SCFD1: variants seen among roughly 807,000 people sequenced by gnomAD.
SCFD1 encodes sec1 family domain-containing protein 1.
A neutral mutation model predicts 103.2 loss-of-function variants in SCFD1; 37 were observed. The ratio of observed to expected loss-of-function variants is 0.36; its 90% CI spans 0.28 to 0.47. The LOEUF (loss-of-function observed/expected upper bound fraction) is 0.47, where lower values mean the gene tolerates loss of function less well. Ranked by LOEUF, SCFD1 falls within the 20% of genes least tolerant of loss-of-function variation. The pLI is 1.00. For missense variants in SCFD1, 639 were observed against 761.2 expected, an observed-to-expected ratio of 0.84 and a Z score of 1.89; for synonymous variants, 264 against 245.0, an observed-to-expected ratio of 1.08 and a Z score of -0.73.
chr14:30,700,380 A>G (rs958131060), intron 16 of SCFD1, 122 bp downstream of exon 16: 9 of 747,096 alleles, frequency 1.2e-5, no homozygotes, highest in African/African-American at 3.6e-5. Context: ...TTCTTTCTTT[A>G]AAAGAAAAAT....
intron 11 of SCFD1, among the ~76,000 whole-genome samples, chr14:30,672,881 GA>G (rs1398431884): frequency 2.6e-5 from 4 of 152,082 alleles, no homozygotes; most frequent in Non-Finnish European, 4.4e-5. Flanking sequence ...TGTTAATTTG[GA>G]TGGGAATATT....
At chr14:30,629,641 A>C (rs11622971) in intron 2 of SCFD1, among the ~76,000 whole-genome samples, 5,677 of 148,798 alleles carry the variant, frequency 0.038, 143 homozygotes, top group South Asian at 0.066. Flanking sequence ...GTAGTGGCGC[A>C]ATCTCAGCTC....
exon 25 of SCFD1, chr14:30,735,847 A>ATAAC (rs1212178539): frequency 1.3e-5 from 5 of 392,410 alleles, no homozygotes; most frequent in African/African-American, 1.1e-4. Context: ...TACTAATATA[A>ATAAC]TAACTAATAG....
At chr14:30,632,454 A>T (rs1884277854) in intron 3 of SCFD1, among the ~76,000 whole-genome samples, 1 of 152,200 alleles carries the variant, frequency 6.6e-6, no homozygotes, top group Admixed American at 6.5e-5. Flanking sequence ...AATATATTTT[A>T]AAAATTATGT....
intron 2 of SCFD1, among the ~76,000 whole-genome samples, chr14:30,629,571 G>A (rs1025827194): frequency 3.3e-5 from 5 of 149,978 alleles, no homozygotes; most frequent in African/African-American, 1.2e-4. Flanking sequence ...ACTCTTTAGG[G>A]ACTTAATTTT....
At chr14:30,700,153 T>C (rs1313982997) in intron 15 of SCFD1, 35 bp from the exon 16 acceptor site, 3 of 1,456,630 alleles carry the variant, frequency 2.1e-6, no homozygotes, top group South Asian at 2.3e-5. Flanking sequence ...ACCACAATTA[T>C]GAAAATATTT....
At chr14:30,667,216 T>C (rs1888066771) in intron 10 of SCFD1, among the ~76,000 whole-genome samples, 1 of 152,166 alleles carries the variant, frequency 6.6e-6, no homozygotes, top group African/African-American at 2.4e-5. Flanking sequence ...CACAAACAAG[T>C]TGGCTTCATC....
intron 10 of SCFD1, among the ~76,000 whole-genome samples, chr14:30,657,054 T>C (rs1016831888): frequency 5.9e-4 from 90 of 152,122 alleles, no homozygotes; most frequent in African/African-American, 2.0e-3. Context: ...GGGGCAAGTG[T>C]CTTAATAAGA....
rs532572553 is a variant in SCFD1, at chr14:30,701,424, G to A, written c.1411-872G>A. Among the ~76,000 whole-genome samples the A allele has an allele frequency of 3.9e-5, 6 of 152,140 alleles. No individual in the cohort carries two copies. The South Asian group carries it at 1.2e-3, about 32-fold the overall frequency. On this transcript the variant is annotated intron_variant, in intron 16 of 24. Transcript: ENST00000458591. Reference sequence around the variant, plus strand: ...ACAAAAATTAGCTGGGCGTGGTGGTGCACATCTGTAATCTCAGCTACTCGG... The same window carrying A: ...ACAAAAATTAGCTGGGCGTGGTGGTACACATCTGTAATCTCAGCTACTCGG...
chr14:30,666,232 G>C (rs1421498781), intron 10 of SCFD1, among the ~76,000 whole-genome samples: 1 of 152,156 alleles, frequency 6.6e-6, no homozygotes, highest in African/African-American at 2.4e-5. Flanking sequence ...AATCAAACTA[G>C]AACTCAGGAT....
chr14:30,673,642 T>C (rs571253121), intron 12 of SCFD1, among the ~76,000 whole-genome samples: 21 of 152,318 alleles, frequency 1.4e-4, no homozygotes, highest in Non-Finnish European at 2.6e-4. Context: ...TGTTTATTGC[T>C]GTGTGACCTA....
intron 23 of SCFD1, among the ~76,000 whole-genome samples, chr14:30,728,015 C>T (rs930050598): frequency 2.0e-5 from 3 of 152,134 alleles, no homozygotes; most frequent in Non-Finnish European, 4.4e-5. Context: ...GCAACTGATC[C>T]GTCTTCCTGA....
At chr14:30,632,024 G>A (rs977789514) in intron 3 of SCFD1, among the ~76,000 whole-genome samples, 10 of 137,198 alleles carry the variant, frequency 7.3e-5, no homozygotes, top group African/African-American at 2.8e-4. Flanking sequence ...CTCTGGCCTG[G>A]GCAGCAGAGC....
In SCFD1 at chr14:30,630,534, G is replaced by A; in HGVS notation, c.190G>A (p.Glu64Lys). ...AATCTCTCCTCTGCTATCTGTGAAG[G>A]AGCTAAGAGACATGGGAATCACTCT... is the stretch of plus-strand genomic sequence containing the variant. ...DIISPLLSVK[E>K]LRDMGITLHL... Residue 64 changes from glutamate to lysine, a missense_variant, in exon 3 of 25, where the codon GAG becomes AAG. Coordinates refer to ENST00000458591, the MANE Select transcript of SCFD1 (RefSeq NM_016106.4). The A allele has an allele frequency of 6.3e-7, 1 of 1,597,594 alleles. No individual in the cohort carries two copies. Among genetic ancestry groups the A allele is most frequent in the Non-Finnish European group, 8.6e-7 (1 of 1,165,970 alleles).
chr14:30,732,820 T>C (rs1434161036), intron 23 of SCFD1, among the ~76,000 whole-genome samples: 1 of 152,140 alleles, frequency 6.6e-6, no homozygotes, highest in Non-Finnish European at 1.5e-5. Flanking sequence ...TTTGGTATAA[T>C]TGGTAAAAAA....
chr14:30,698,295 T>C (rs1050571873), intron 15 of SCFD1, among the ~76,000 whole-genome samples: 2 of 152,226 alleles, frequency 1.3e-5, no homozygotes, highest in Admixed American at 6.5e-5. Flanking sequence ...GGACACATGC[T>C]GACAATTTCA....
chr14:30,661,683 A>T (rs1272824926), intron 10 of SCFD1, among the ~76,000 whole-genome samples: 2 of 152,166 alleles, frequency 1.3e-5, no homozygotes, highest in East Asian at 3.9e-4. Context: ...CGTTAGAGGC[A>T]TTATCACCAC....
chr14:30,642,951 C>G (rs767437560), intron 6 of SCFD1, among the ~76,000 whole-genome samples: 3 of 152,034 alleles, frequency 2.0e-5, no homozygotes, highest in Non-Finnish European at 4.4e-5. Flanking sequence ...GTAGGAGGAT[C>G]GCTTGAGCCC....
chr14:30,713,110 T>G (rs1337535040), intron 19 of SCFD1, among the ~76,000 whole-genome samples: 1 of 152,200 alleles, frequency 6.6e-6, no homozygotes, highest in African/African-American at 2.4e-5. Context: ...ATAATTGATT[T>G]TTTTTAATGA....
Sources: gnomAD v4.1 joint callset for allele counts (sites outside exome capture counted in the v4.1 genomes callset) on GRCh38, gnomAD v4.1.1 for gene constraint, MANE v1.5 for transcripts, NCBI Gene and HGNC (gene_info 2026-07-23, HGNC 2026-07-21) for gene names.